GPBP1: variants seen among roughly 807,000 people sequenced by gnomAD.
GPBP1 encodes the protein GC-rich promoter binding protein 1, also known as vasculin.
Under a neutral mutation model 56.5 loss-of-function variants are expected in GPBP1, and 13 were observed. The ratio of observed to expected loss-of-function variants is 0.23; its 90% CI spans 0.15 to 0.37. GPBP1 has a LOEUF of 0.37. Ranked by LOEUF, GPBP1 falls within the 10% of genes least tolerant of loss-of-function variation. GPBP1 has a pLI of 1.00. For synonymous variants in GPBP1, 204 were observed against 188.9 expected, an observed-to-expected ratio of 1.08 and a Z score of -0.66; for missense variants, 477 against 572.3, an observed-to-expected ratio of 0.83 and a Z score of 1.70.
At chr5:57,185,621 T>A (rs2111601143) in intron 2 of GPBP1, among the ~76,000 whole-genome samples, 1 of 152,226 alleles carries the variant, frequency 6.6e-6, no homozygotes, top group Non-Finnish European at 1.5e-5. Context: ...TAGCATTATG[T>A]CTTTAATTTG....
At chr5:57,229,482 C>CTCTAT (rs1756347632) in intron 3 of GPBP1, among the ~76,000 whole-genome samples, 1 of 142,316 alleles carries the variant, frequency 7.0e-6, no homozygotes, top group South Asian at 2.3e-4. Context: ...CTCTATTTTC[C>CTCTAT]TTTCCTTTCC....
chr5:57,201,112 C>T (rs530121748), intron 2 of GPBP1, among the ~76,000 whole-genome samples: 1 of 152,342 alleles, frequency 6.6e-6, no homozygotes, highest in Admixed American at 6.5e-5. Flanking sequence ...GCATGAGCCA[C>T]TGCGCTCGGC....
At chr5:57,204,098 CATGCAGTAG>C (rs113124554) in intron 2 of GPBP1, among the ~76,000 whole-genome samples, 88 of 152,296 alleles carry the variant, frequency 5.8e-4, no homozygotes, top group African/African-American at 2.1e-3. Flanking sequence ...GATCACTTAG[CATGCAGTAG>C]ATGTCTACTA....
chr5:57,180,124 C>CT (rs1234781447), intron 2 of GPBP1, among the ~76,000 whole-genome samples: 1 of 152,022 alleles, frequency 6.6e-6, no homozygotes, highest in African/African-American at 2.4e-5. Flanking sequence ...GATTATTTAA[C>CT]TTTTTTTTCT....
rs1280026889 is a variant in GPBP1 at position 57,264,341 on chromosome 5, G to A, written c.*1589G>A. The A allele has an allele frequency of 2.0e-5, 3 of 152,156 alleles. No individual in the cohort carries two copies. The highest frequency in any genetic ancestry group is 4.4e-5 in the Non-Finnish European group (3 of 68,010). The allele number at this position is 152,156 out of a possible 1,614,324, so 9.4% of individuals were successfully genotyped here. ...AGGAGAATGTAAAGCATGCTTTGACGAAGCTATCGGTAACACATATTGAAT... is the reference window on the plus strand; with the variant it reads ...AGGAGAATGTAAAGCATGCTTTGACAAAGCTATCGGTAACACATATTGAAT... On this transcript the variant is annotated 3_prime_UTR_variant, in exon 12 of 12. Transcript: ENST00000506184.
intron 3 of GPBP1, among the ~76,000 whole-genome samples, chr5:57,225,359 T>TG (rs1294721566): frequency 6.6e-6 from 1 of 151,802 alleles, no homozygotes; most frequent in Admixed American, 6.6e-5. Context: ...CCAGGCGTGG[T>TG]GGCGGGCGCC....
intron 2 of GPBP1, among the ~76,000 whole-genome samples, chr5:57,186,830 C>A (rs1371191644): frequency 6.6e-6 from 1 of 152,004 alleles, no homozygotes; most frequent in African/African-American, 2.4e-5. Context: ...GTTGGCCTCC[C>A]AAAGTATTGG....
intron 3 of GPBP1, 102 bp from the exon 4 acceptor site, chr5:57,230,741 CTTA>C: frequency 1.1e-6 from 1 of 950,754 alleles, no homozygotes; most frequent in Non-Finnish European, 1.6e-6. Flanking sequence ...ATATGTTTTT[CTTA>C]ATCATTTAAA....
chr5:57,213,524 G>A (rs1755581429), intron 2 of GPBP1, among the ~76,000 whole-genome samples: 1 of 149,198 alleles, frequency 6.7e-6, no homozygotes, highest in Non-Finnish European at 1.5e-5. Flanking sequence ...TAGTTCATCT[G>A]CCCATTAAAA....
At chr5:57,188,697 C>G (rs1008392137) in intron 2 of GPBP1, among the ~76,000 whole-genome samples, 1 of 152,050 alleles carries the variant, frequency 6.6e-6, no homozygotes, top group Admixed American at 6.6e-5. Context: ...GAGCCGAGAT[C>G]GTGGCACTGC....
chr5:57,215,787 G>A (rs905450505), intron 3 of GPBP1, among the ~76,000 whole-genome samples: 2 of 151,766 alleles, frequency 1.3e-5, no homozygotes, highest in African/African-American at 2.4e-5. Flanking sequence ...ATTACTCCAC[G>A]TGCTAGGTGG....
intron 2 of GPBP1, among the ~76,000 whole-genome samples, chr5:57,185,031 TCAGA>T (rs1428165424): frequency 2.0e-5 from 3 of 152,236 alleles, no homozygotes; most frequent in African/African-American, 7.2e-5. Flanking sequence ...GTTCTCTCGT[TCAGA>T]GACATTTTGT....
chr5:57,222,861 A>G (rs1756012776), intron 3 of GPBP1, among the ~76,000 whole-genome samples: 1 of 151,962 alleles, frequency 6.6e-6, no homozygotes, highest in African/African-American at 2.4e-5. Context: ...GGATGTTTTC[A>G]TTTTTACGTT....
At chr5:57,180,233 G>C (rs1173119283) in intron 2 of GPBP1, among the ~76,000 whole-genome samples, 1 of 152,146 alleles carries the variant, frequency 6.6e-6, no homozygotes, top group African/African-American at 2.4e-5. Flanking sequence ...TTATGCCTCA[G>C]CCTCCCAAGT....
rs1156552031 is a variant in GPBP1, at chr5:57,175,661, A to G, written c.-797A>G. The G allele has an allele frequency of 7.6e-6, 3 of 396,410 alleles. No homozygotes were observed. The highest frequency in any genetic ancestry group is 1.3e-5 in the Non-Finnish European group (3 of 225,296). The allele number at this position is 396,410 out of a possible 1,614,324, so 24.6% of individuals were successfully genotyped here. The stretch of plus-strand genomic sequence containing the variant: ...GAGACCCAGGCAGCATTTCTTCAGT[A>G]TTTTGGTTCAAACGGATTATATAAC... On this transcript the variant is annotated 5_prime_UTR_variant, in exon 2 of 12. Coordinates refer to ENST00000506184, the MANE Select transcript of GPBP1 (RefSeq NM_022913.4).
At position 57,231,121 on chromosome 5, in the gene GPBP1, A is replaced by G. The variant is rs1756439738; in HGVS notation, c.211A>G (p.Asn71Asp). 1 of 1,613,140 alleles carries G rather than the reference A, an allele frequency of 6.2e-7. No individual in the cohort carries two copies. Among genetic ancestry groups the G allele is most frequent in the Non-Finnish European group, 8.5e-7 (1 of 1,179,788 alleles). The change falls in exon 5 of 12, where the codon AAT becomes GAT. Residue 71 changes from asparagine (N) to aspartate (D), a missense_variant. Around this residue, in one of 2 missense-constraint regions of GPBP1, gnomAD observed 414 missense variants for 458.2 expected, o/e 0.90. Coordinates refer to ENST00000506184, the MANE Select transcript of GPBP1 (RefSeq NM_022913.4). ...NGGNFGRKEK[N>D]GWRTHGRNGT... ...AGGTAACTTTGGAAGGAAAGAAAAA[A>G]ATGGATGGCGTACACATGGAAGAAA...
chr5:57,241,540 G>C (rs1028994608), intron 6 of GPBP1, among the ~76,000 whole-genome samples: 1 of 152,088 alleles, frequency 6.6e-6, no homozygotes, highest in Non-Finnish European at 1.5e-5. Flanking sequence ...AGCCTGGGCA[G>C]CATAGTGAAC....
intron 6 of GPBP1, among the ~76,000 whole-genome samples, chr5:57,236,498 AT>A (rs1380226460): frequency 4.6e-5 from 7 of 152,240 alleles, no homozygotes; most frequent in Non-Finnish European, 1.0e-4. Flanking sequence ...GTTACAGATA[AT>A]TGTATAAATT....
chr5:57,198,539 A>T (rs778037769), intron 2 of GPBP1, among the ~76,000 whole-genome samples: 14 of 152,112 alleles, frequency 9.2e-5, no homozygotes, highest in Middle Eastern at 3.4e-3. Flanking sequence ...TAGTTTTCTT[A>T]GTTTTCTATA....
Sources: gnomAD v4.1 joint callset for allele counts (sites outside exome capture counted in the v4.1 genomes callset) on GRCh38, gnomAD v4.1.1 for gene constraint, gnomAD v4.1.1 regional missense constraint, MANE v1.5 for transcripts, NCBI Gene and HGNC (gene_info 2026-07-23, HGNC 2026-07-21) for gene names.